The following UIMC1 variants were observed in gnomAD, a reference collection of about 807,000 sequenced individuals.
The protein encoded by UIMC1 is BRCA1-A complex subunit RAP80.
In UIMC1, 42 loss-of-function variants were observed where a neutral mutation model predicts 84.9. The ratio of observed to expected loss-of-function variants is 0.49; its 90% CI spans 0.39 to 0.64. UIMC1 has a LOEUF of 0.64. Among genes scored for constraint, UIMC1 ranks in the 30% least tolerant of loss-of-function variants. The pLI, the probability that UIMC1 is intolerant of heterozygous loss-of-function variation, is 0.00. For missense variants in UIMC1, 825 were observed against 847.6 expected (o/e 0.97, Z 0.33); for synonymous variants, 281 against 293.0 (o/e 0.96, Z 0.42).
intron 13 of UIMC1, 29 bp from the exon 14 acceptor site, chr5:176,906,076 T>C: frequency 6.2e-7 from 1 of 1,607,696 alleles, no homozygotes; most frequent in Non-Finnish European, 8.5e-7. Context: ...AATAATAATG[T>C]TGGTAGTAGT....
chr5:177,010,588 G>A (rs1775524818), upstream of UIMC1, among the ~76,000 whole-genome samples: 1 of 151,944 alleles, frequency 6.6e-6, no homozygotes, highest in Non-Finnish European at 1.5e-5. Flanking sequence ...TGCCCAGGCT[G>A]GAGTGCAATG....
upstream of UIMC1, among the ~76,000 whole-genome samples, chr5:177,008,024 G>C (rs200862301): frequency 1.5e-5 from 2 of 129,376 alleles, no homozygotes; most frequent in African/African-American, 3.0e-5. Flanking sequence ...AAAATCGCTT[G>C]AACCTGGGAG....
chr5:176,979,894 G>A (rs1415351185), intron 2 of UIMC1, among the ~76,000 whole-genome samples: 1 of 152,170 alleles, frequency 6.6e-6, no homozygotes, highest in Non-Finnish European at 1.5e-5. Context: ...CCGGGTGTTT[G>A]CAGAGGAGAT....
intron 3 of UIMC1, among the ~76,000 whole-genome samples, chr5:176,975,178 A>G (rs980114866): frequency 6.6e-6 from 1 of 152,144 alleles, no homozygotes; most frequent in African/African-American, 2.4e-5. Flanking sequence ...TTTTTTAAAG[A>G]TTCAGAATGA....
At chr5:176,990,585 T>A (rs1425406616) in intron 1 of UIMC1, among the ~76,000 whole-genome samples, 2 of 152,194 alleles carry the variant, frequency 1.3e-5, no homozygotes, top group Non-Finnish European at 2.9e-5. Flanking sequence ...AAGTGAATTT[T>A]CTAAACCCCA....
intron 1 of UIMC1, among the ~76,000 whole-genome samples, chr5:176,999,780 T>C (rs143175852): frequency 0.033 from 4,981 of 152,250 alleles, 292 homozygotes; most frequent in African/African-American, 0.11. Context: ...ATAAGTACCA[T>C]ATTTTCTTTA....
At chr5:176,965,578 T>C (rs1768170607) in intron 6 of UIMC1, among the ~76,000 whole-genome samples, 1 of 152,204 alleles carries the variant, frequency 6.6e-6, no homozygotes, top group African/African-American at 2.4e-5. Flanking sequence ...CTGCTTCAGC[T>C]TCCCAAAATG....
Position 176,969,073 on chromosome 5 carries a change from T to C in UIMC1, c.682A>G (p.Thr228Ala), listed in dbSNP as rs201357947. 1 of 1,614,192 alleles carries C rather than the reference T, an allele frequency of 6.2e-7. No homozygotes were observed. The highest frequency in any genetic ancestry group is 2.2e-5 in the East Asian group (1 of 44,890). ...CTTTCCTGTGGCTTCCCACACTGTG[T>C]GTGCTCAGCCGAGTGGCCAGTACAT... ...DRCTGHSAEH[T>A]QCGKPQESTG... Residue 228 changes from threonine (T) to alanine (A), a missense_variant, in exon 6 of 15, where the codon ACA (threonine) becomes GCA (alanine). Coordinates refer to ENST00000511320, the MANE Select transcript of UIMC1 (RefSeq NM_001199298.2).
rs900473808 is a variant in UIMC1, at chr5:177,006,236, G to C, written c.-9+414C>G. ...GCAAAGCCCAACCTGGCGTTCCGAG[G>C]GGCCCTGCGTGGCGTCAGGGGAGAC... On this transcript the variant is annotated intron_variant, in intron 1 of 14. Coordinates refer to ENST00000511320, the MANE Select transcript of UIMC1 (RefSeq NM_001199298.2). 6 of 152,380 alleles carry C rather than the reference G, an allele frequency of 3.9e-5. No homozygotes were observed. The South Asian group carries it at 8.3e-4, about 21-fold the overall frequency. 9.4% of individuals were successfully genotyped at this position (152,380 alleles called of 1,614,324 possible). A position where few individuals can be genotyped will look rare whatever the true frequency, so the allele number is the denominator to read the frequency against.
chr5:176,910,880 C>G (rs1760052861), intron 11 of UIMC1, among the ~76,000 whole-genome samples: 1 of 152,084 alleles, frequency 6.6e-6, no homozygotes, highest in African/African-American at 2.4e-5. Context: ...CACCTGAGGT[C>G]AGGAGTTCGA....
Position 176,908,678 on chromosome 5 carries a change from G to T in UIMC1, c.1693C>A (p.Leu565Ile), listed in dbSNP as rs1759726077. ...CTAAATGGGACCAGGGATTTACAGA[G>T]GTAACACTTCTCATTCCTATCCAAT... ...LDIDKNEKCYLCKSLVPFREY... is the reference protein window; with the variant it reads ...LDIDKNEKCYICKSLVPFREY... The change falls in exon 12 of 15, where the codon CTC becomes ATC. Residue 565 changes from leucine to isoleucine, a missense_variant. Physicochemically the swap from Leu to Ile is conservative, Grantham distance 5. Coordinates refer to ENST00000511320, the MANE Select transcript of UIMC1 (RefSeq NM_001199298.2). 1.9e-6 allele frequency: 3 copies of T among 1,612,982 alleles called. No individual in the cohort carries two copies. The African/African-American group carries it at 4.0e-5, about 22-fold the overall frequency.
Position 176,958,093 on chromosome 5 carries a change from C to T in UIMC1, c.1262G>A (p.Ser421Asn). 1 of 1,613,596 alleles carries T rather than the reference C, an allele frequency of 6.2e-7. No individual in the cohort carries two copies. Among genetic ancestry groups the T allele is most frequent in the Non-Finnish European group, 8.5e-7 (1 of 1,179,642 alleles). ...EEGNSVPASQ[S>N]VAALTSKRSL... The stretch of plus-strand genomic sequence containing the variant: ...TGCATAGCAACATATAATCTCTCAC[C>T]TTTGTGAAGCAGGTACAGAGTTTCC... The change falls in exon 7 of 15, where the codon AGT (serine) becomes AAT (asparagine). Residue 421 changes from serine to asparagine, a missense_variant and splice_region_variant. Coordinates refer to ENST00000511320, the MANE Select transcript of UIMC1 (RefSeq NM_001199298.2).
In UIMC1 at chr5:176,974,737, C is replaced by T. The variant is rs546342372; in HGVS notation, c.232+659G>A. Among the ~76,000 whole-genome samples the T allele has an allele frequency of 4.6e-5, 7 of 151,828 alleles. No individual in the cohort carries two copies. In the East Asian group the frequency reaches 9.7e-4, roughly 21 times the overall value. On this transcript the variant is annotated intron_variant, in intron 3 of 14. Coordinates refer to ENST00000511320, the MANE Select transcript of UIMC1 (RefSeq NM_001199298.2). ...TGAGGTGGGAGAATCGTTATGAACC[C>T]GGGAGGCAGAGGTTGCAGTGAGCCA...
At chr5:177,005,274 A>T (rs550956426) in intron 1 of UIMC1, among the ~76,000 whole-genome samples, 3 of 151,888 alleles carry the variant, frequency 2.0e-5, no homozygotes, top group Admixed American at 2.0e-4. Flanking sequence ...AGGGTCTCCT[A>T]TGTTGCCCAG....
At position 176,987,304 on chromosome 5, in the gene UIMC1, T is replaced by C. The variant is rs916628372; in HGVS notation, c.-8-4681A>G. 2.5e-4 allele frequency among the ~76,000 whole-genome samples: 38 copies of C among 152,268 alleles called. 1 individual carries two copies. The highest frequency in any genetic ancestry group is 6.2e-4 in the South Asian group (3 of 4,824). On this transcript the variant is annotated intron_variant, in intron 1 of 14. Transcript: ENST00000511320. ...AAACAAGTCAACATACAAAAACCAA[T>C]TGCATTCCTATATGCTAGACATAAA...
rs751649807 is a variant in UIMC1, at chr5:176,963,519, T to TA, written c.1200+5035_1200+5036insT. Among the ~76,000 whole-genome samples the TA allele has an allele frequency of 8.9e-3, 1,263 of 142,242 alleles. 7 individuals are homozygous for TA. The highest frequency in any genetic ancestry group is 0.025 in the South Asian group (111 of 4,478). 93.3% of individuals were successfully genotyped at this position (142,242 alleles called of 152,430 possible). On this transcript the variant is annotated intron_variant, in intron 6 of 14. Transcript: ENST00000511320. ...CTGGGTGACAGAGTGAAACTCCATC[T>TA]TTAAAAAAAAAAAAAAAAAAGTGAA...
chr5:176,926,197 C>T (rs1156603543), intron 10 of UIMC1, among the ~76,000 whole-genome samples: 12 of 151,728 alleles, frequency 7.9e-5, no homozygotes, highest in East Asian at 5.8e-4. Flanking sequence ...GGATCCTTTA[C>T]GCCAAAAAAG....
chr5:177,008,144 G>A (rs149379398), upstream of UIMC1, among the ~76,000 whole-genome samples: 1,615 of 150,614 alleles, frequency 0.011, 11 homozygotes, highest in South Asian at 0.025. Flanking sequence ...AAAAATAAAC[G>A]TAAGAAAATG....
At position 176,958,139 on chromosome 5, in the gene UIMC1, C is replaced by T; in HGVS notation, c.1216G>A (p.Val406Ile). 6.2e-7 allele frequency: 1 copy of T among 1,613,814 alleles called. No homozygotes were observed. The highest frequency in any genetic ancestry group is 1.1e-5 in the South Asian group (1 of 91,048). ...TTTCCCTCTTCAGAAGTTTCTTCAACAATCCCTTGGGAAGACTGCAAAGAA... is the reference window on the plus strand; with the variant it reads ...TTTCCCTCTTCAGAAGTTTCTTCAATAATCCCTTGGGAAGACTGCAAAGAA... ...TSHGQSSQGI[V>I]EETSEEGNSV... The change falls in exon 7 of 15, where the codon GTT (valine) becomes ATT (isoleucine). Residue 406 changes from valine (V) to isoleucine (I), a missense_variant. Coordinates refer to ENST00000511320, the MANE Select transcript of UIMC1 (RefSeq NM_001199298.2).
Sources: gnomAD v4.1 joint callset for allele counts (sites outside exome capture counted in the v4.1 genomes callset) on GRCh38, gnomAD v4.1.1 for gene constraint, MANE v1.5 for transcripts, NCBI Gene and HGNC (gene_info 2026-07-23, HGNC 2026-07-21) for gene names.